MAP3K19: variants seen among roughly 807,000 people sequenced by gnomAD.
MAP3K19 encodes mitogen-activated protein kinase kinase kinase 19.
A neutral mutation model predicts 114.4 loss-of-function variants in MAP3K19; 91 were observed. The ratio of observed to expected loss-of-function variants is 0.80; its 90% CI spans 0.67 to 0.95. The LOEUF (loss-of-function observed/expected upper bound fraction) is 0.95, where lower values mean the gene tolerates loss of function less well. MAP3K19 is among the 40% of genes least tolerant of loss of function. The probability of loss-of-function intolerance (pLI) is 0.00; values close to 1 mark genes in which losing one functional copy is unlikely to be tolerated. For synonymous variants in MAP3K19, 518 were observed against 530.5 expected (o/e 0.98, Z 0.32); for missense variants, 1,471 against 1,573.2 (o/e 0.94, Z 1.10).
intron 12 of MAP3K19, among the ~76,000 whole-genome samples, chr2:134,974,996 C>T (rs550130452): frequency 3.9e-5 from 6 of 152,154 alleles, no homozygotes; most frequent in East Asian, 1.9e-4. Flanking sequence ...ATTTCCTCAG[C>T]GGCTAAGTCT....
intron 3 of MAP3K19, among the ~76,000 whole-genome samples, chr2:135,028,897 G>T (rs1688315563): frequency 6.6e-6 from 1 of 151,988 alleles, no homozygotes. Context: ...TCGCTAAGAA[G>T]AAACCACCTC....
chr2:134,997,533 A>G (rs1030022566), intron 8 of MAP3K19, among the ~76,000 whole-genome samples: 1 of 152,092 alleles, frequency 6.6e-6, no homozygotes, highest in Non-Finnish European at 1.5e-5. Context: ...AACAAAAAAA[A>G]ATTTAGGCCA....
Position 135,004,217 on chromosome 2 carries a change from A to G in MAP3K19, c.235+1218T>C, listed in dbSNP as rs2105309478. Among the ~76,000 whole-genome samples, 3 of 152,362 alleles carry G rather than the reference A, an allele frequency of 2.0e-5. 1 individual carries two copies. Among genetic ancestry groups the G allele is most frequent in the Admixed American group, 2.0e-4 (3 of 15,292 alleles). On this transcript the variant is annotated intron_variant, in intron 6 of 12. Transcript: ENST00000392915. ...CCTCCTGGAAGGTGCTTGGGACACC[A>G]TTAGGCTTCTAAGAGCTTGGCTTTG... is the stretch of plus-strand genomic sequence containing the variant.
At chr2:134,971,158 G>T (rs946778053) in intron 12 of MAP3K19, among the ~76,000 whole-genome samples, 4 of 152,064 alleles carry the variant, frequency 2.6e-5, no homozygotes, top group Non-Finnish European at 5.9e-5. Context: ...TGTCTTTTCT[G>T]TTTCTATTGA....
At chr2:135,026,161 A>C (rs551815539) in intron 3 of MAP3K19, among the ~76,000 whole-genome samples, 22 of 152,294 alleles carry the variant, frequency 1.4e-4, no homozygotes, top group Non-Finnish European at 2.5e-4. Flanking sequence ...CACTTATCAT[A>C]TTTGCAGAGA....
rs1206965294 is a variant in MAP3K19 at position 134,987,021 on chromosome 2, G to C, written c.1851C>G (p.Ile617Met). The C allele has an allele frequency of 1.9e-6, 3 of 1,613,300 alleles. No homozygotes were observed. Among genetic ancestry groups the C allele is most frequent in the Non-Finnish European group, 2.5e-6 (3 of 1,180,028 alleles). Reference protein sequence around the residue: ...QKPKKQSFPCICKNPGTQKSC... With the variant: ...QKPKKQSFPCMCKNPGTQKSC... ...ACTTCTGTGTTCCTGGATTTTTACA[G>C]ATGCAAGGAAATGATTGCTTTTTAG... Residue 617 changes from isoleucine to methionine, a missense_variant, in exon 10 of 13, where the codon ATC (isoleucine) becomes ATG (methionine). Physicochemically the swap from Ile to Met is conservative, Grantham distance 10. Transcript: ENST00000392915.
chr2:135,010,615 G>A (rs1687152715), intron 5 of MAP3K19, among the ~76,000 whole-genome samples: 3 of 152,120 alleles, frequency 2.0e-5, no homozygotes, highest in Admixed American at 2.0e-4. Flanking sequence ...AATCAGACGT[G>A]ATTAAAGTTT....
At chr2:135,030,821 T>C (rs758494246) in intron 2 of MAP3K19, among the ~76,000 whole-genome samples, 1 of 151,920 alleles carries the variant, frequency 6.6e-6, no homozygotes, top group Non-Finnish European at 1.5e-5. Flanking sequence ...TACTGGGAGG[T>C]TGAGGCGGGA....
At chr2:134,994,376 A>G (rs1040451260) in intron 8 of MAP3K19, among the ~76,000 whole-genome samples, 1 of 152,234 alleles carries the variant, frequency 6.6e-6, no homozygotes, top group Non-Finnish European at 1.5e-5. Context: ...GAGGGTGCTC[A>G]TAAGTCTGTG....
chr2:135,046,314 A>G (rs1486551795), intron 1 of MAP3K19, among the ~76,000 whole-genome samples: 1 of 151,946 alleles, frequency 6.6e-6, no homozygotes, highest in Non-Finnish European at 1.5e-5. Flanking sequence ...GTCTCCCTCT[A>G]TCGCCCAGAC....
intron 1 of MAP3K19, among the ~76,000 whole-genome samples, chr2:135,042,979 A>C (rs1444452881): frequency 6.6e-6 from 1 of 152,052 alleles, no homozygotes; most frequent in Non-Finnish European, 1.5e-5. Flanking sequence ...GCTACTCAGG[A>C]GGCAGAGGCA....
chr2:135,032,372 A>AAAAAAAGAG (rs765508585), intron 2 of MAP3K19, among the ~76,000 whole-genome samples: 1 of 145,350 alleles, frequency 6.9e-6, no homozygotes, highest in Non-Finnish European at 1.5e-5. Flanking sequence ...AAAAAAAAAA[A>AAAAAAAGAG]AGAAAAGAAA....
intron 5 of MAP3K19, among the ~76,000 whole-genome samples, chr2:135,017,602 T>C (rs1247701582): frequency 1.3e-5 from 2 of 152,200 alleles, no homozygotes; most frequent in African/African-American, 4.8e-5. Context: ...GCTCCTTATA[T>C]ACATTTTCAA....
chr2:135,046,304 GTCTC>G (rs1404874205), intron 1 of MAP3K19, among the ~76,000 whole-genome samples: 1 of 151,806 alleles, frequency 6.6e-6, no homozygotes, highest in Non-Finnish European at 1.5e-5. Context: ...TTGTTACAGA[GTCTC>G]CCTCTATCGC....
intron 1 of MAP3K19, among the ~76,000 whole-genome samples, chr2:135,044,820 G>T (rs1688708267): frequency 6.6e-6 from 1 of 152,068 alleles, no homozygotes; most frequent in African/African-American, 2.4e-5. Flanking sequence ...GTGCCTGAGA[G>T]GTATCCTCAA....
In MAP3K19 at chr2:135,034,256, C is replaced by A. The variant is rs1203734285; in HGVS notation, c.-283-3756G>T. Among the ~76,000 whole-genome samples the A allele has an allele frequency of 4.6e-5, 6 of 129,574 alleles. 1 individual carries two copies. Among genetic ancestry groups the A allele is most frequent in the Non-Finnish European group, 9.2e-5 (6 of 65,142 alleles). 85.0% of individuals were successfully genotyped at this position (129,574 alleles called of 152,430 possible). A position where few individuals can be genotyped will look rare whatever the true frequency, so the allele number is the denominator to read the frequency against. ...CTCACTTCCTAGATGGGATGGCGGC[C>A]GGGCAGAGACGCCCCTCACTTCCCA... On this transcript the variant is annotated intron_variant, in intron 2 of 12. Transcript: ENST00000392915.
chr2:134,997,120 A>G (rs566978707), intron 8 of MAP3K19, among the ~76,000 whole-genome samples: 5 of 152,200 alleles, frequency 3.3e-5, no homozygotes, highest in Non-Finnish European at 7.4e-5. Context: ...CTAACTTTGT[A>G]AATTTCAAGG....
chr2:134,986,939 T>C lies in MAP3K19; in HGVS notation c.1933A>G (p.Lys645Glu), dbSNP rs372722964. 2 of 1,614,068 alleles carry C rather than the reference T, an allele frequency of 1.2e-6. No homozygotes were observed. The highest frequency in any genetic ancestry group is 3.3e-5 in the Admixed American group (2 of 60,016). Residue 645 changes from lysine to glutamate, a missense_variant, in exon 10 of 13, where the codon AAG becomes GAG. Coordinates refer to ENST00000392915, the MANE Select transcript of MAP3K19 (RefSeq NM_025052.5). ...ATTTCTTTGAACATATCACTATACT[T>C]AAGATCTAGGTAATTTAGTCTTGGC... Reference protein sequence around the residue: ...TEPRLNYLDLKYSDMFKEINS... With the variant: ...TEPRLNYLDLEYSDMFKEINS...
rs1191191003 is a variant in MAP3K19, at chr2:135,047,330, C to T, written c.-569G>A. ...CAACCAGGGATCCATTTAAAAACAG[C>T]ATAGATTCAGATTTTTTTTTCAGTG... On this transcript the variant is annotated 5_prime_UTR_variant, in exon 1 of 13. The change abolishes an upstream ATG in the 5' untranslated region. Transcript: ENST00000392915. 6.6e-6 allele frequency: 1 copy of T among 152,130 alleles called. No individual in the cohort carries two copies. The highest frequency in any genetic ancestry group is 1.5e-5 in the Non-Finnish European group (1 of 68,022). The allele number at this position is 152,130 out of a possible 1,614,324, so 9.4% of individuals were successfully genotyped here.
Sources: gnomAD v4.1 joint callset for allele counts (sites outside exome capture counted in the v4.1 genomes callset) on GRCh38, gnomAD v4.1.1 for gene constraint, MANE v1.5 for transcripts, NCBI Gene and HGNC (gene_info 2026-07-23, HGNC 2026-07-21) for gene names.